Variants in IKZF4 observed in about 807,000 individuals in gnomAD.
The protein encoded by IKZF4 is IKAROS family zinc finger 4.
A neutral mutation model predicts 47.7 loss-of-function variants in IKZF4; 11 were observed. The observed-to-expected ratio is 0.23, with a 90% CI of 0.15 to 0.38. IKZF4 has a LOEUF of 0.38. Ranked by LOEUF, IKZF4 falls within the 10% of genes least tolerant of loss-of-function variation. IKZF4 has a pLI of 1.00. For missense variants in IKZF4, 557 were observed against 784.9 expected, an observed-to-expected ratio of 0.71 and a Z score of 3.47; for synonymous variants, 298 against 299.4, an observed-to-expected ratio of 1.00 and a Z score of 0.05.
chr12:56,019,884 T>C (rs1487816755), upstream of IKZF4, among the ~76,000 whole-genome samples: 2 of 152,252 alleles, frequency 1.3e-5, no homozygotes, highest in Non-Finnish European at 2.9e-5. Flanking sequence ...GGATGGTTTT[T>C]GAATGGAAGT....
chr12:56,027,942 A>G lies in IKZF4; in HGVS notation c.710A>G (p.His237Arg). The change falls in exon 5 of 8, where the codon CAC (histidine) becomes CGC (arginine). Residue 237 changes from histidine (H) to arginine (R), a missense_variant. Around this residue, in one of 6 missense-constraint regions of IKZF4, gnomAD observed 72 missense variants for 112.4 expected, o/e 0.64. Transcript: ENST00000547167. ...GCACTCACTGGTCACCTCCGCACAC[A>G]CTCAGGTCAGTGTCTGTCCAGTGGG... ...RDALTGHLRTHSVSSPTVGKP... is the reference protein window; with the variant it reads ...RDALTGHLRTRSVSSPTVGKP... The G allele has an allele frequency of 6.4e-7, 1 of 1,562,698 alleles. No homozygotes were observed. Among genetic ancestry groups the G allele is most frequent in the Non-Finnish European group, 8.7e-7 (1 of 1,154,256 alleles).
chr12:56,024,923 C>T (rs2136653228), intron 2 of IKZF4, 131 bp from the exon 3 acceptor site: 1 of 1,524,396 alleles, frequency 6.6e-7, no homozygotes, highest in African/African-American at 1.4e-5. Context: ...GCCCAGCATA[C>T]AACACTGCTT....
At position 56,035,247 on chromosome 12, in the gene IKZF4, T is replaced by G; in HGVS notation, c.1674T>G (p.Phe558Leu). The G allele has an allele frequency of 1.9e-6, 3 of 1,614,154 alleles. No homozygotes were observed. Among genetic ancestry groups the G allele is most frequent in the East Asian group, 2.2e-5 (1 of 44,886 alleles). The stretch of plus-strand genomic sequence containing the variant: ...GCTGCCATGGCTTCAGAGACCCTTT[T>G]GAGTGCAACATCTGTGGTTATCACA... Reference protein sequence around the residue: ...HMGCHGFRDPFECNICGYHSQ... With the variant: ...HMGCHGFRDPLECNICGYHSQ... Residue 558 changes from phenylalanine (F) to leucine (L), a missense_variant, in exon 8 of 8, where the codon TTT (phenylalanine) becomes TTG (leucine). Coordinates refer to ENST00000547167, the MANE Select transcript of IKZF4 (RefSeq NM_022465.4). The surrounding 1 kb of genome is among the most constrained non-coding windows in gnomAD (Gnocchi z 6.1).
upstream of IKZF4, among the ~76,000 whole-genome samples, chr12:56,018,907 A>AC (rs1210219955): frequency 6.6e-6 from 1 of 150,732 alleles, no homozygotes; most frequent in Non-Finnish European, 1.5e-5. Context: ...ACATGGTGAA[A>AC]CCCCCTCTCT....
chr12:56,032,112 T>A (rs1185670948), intron 5 of IKZF4, among the ~76,000 whole-genome samples: 1 of 152,010 alleles, frequency 6.6e-6, no homozygotes, highest in South Asian at 2.1e-4. Context: ...AAGCAGATAG[T>A]TCATAAAAAG....
At chr12:56,032,812 G>A in intron 6 of IKZF4, 102 bp downstream of exon 6, 1 of 1,309,892 alleles carries the variant, frequency 7.6e-7, no homozygotes, top group Non-Finnish European at 1.1e-6. Context: ...GATGAAGTCT[G>A]TGGAACAGGG....
intron 1 of IKZF4, chr12:56,021,862 G>A (rs1893068381): frequency 2.0e-6 from 1 of 501,628 alleles, no homozygotes; most frequent in Non-Finnish European, 3.6e-6. Context: ...GGGGATAGAG[G>A]TAGAGCTGCC....
chr12:56,008,545 T>A (rs1178710855), intron 1 of IKZF4, among the ~76,000 whole-genome samples: 5 of 152,068 alleles, frequency 3.3e-5, no homozygotes, highest in East Asian at 1.9e-4. Context: ...TTAAAAAAAA[T>A]TATGACTAGT....
chr12:56,034,579 C>A lies in IKZF4; in HGVS notation c.1006C>A (p.Gln336Lys), dbSNP rs745941886. 1.1e-5 allele frequency: 17 copies of A among 1,605,266 alleles called. No homozygotes were observed. The African/African-American group carries it at 1.1e-4, about 10-fold the overall frequency. The part of the protein sequence containing the change: ...STPQKFVGEK[Q>K]MRFSLSDLPY... ...GTTCCTGTTCTCCACAGGCGAAAAG[C>A]AGATGCGCTTCAGCCTCTCAGACCT... Residue 336 changes from glutamine (Q) to lysine (K), a missense_variant, in exon 8 of 8, where the codon CAG becomes AAG. Physicochemically the swap from Gln to Lys is moderately conservative, Grantham distance 53. Coordinates refer to ENST00000547167, the MANE Select transcript of IKZF4 (RefSeq NM_022465.4).
intron 5 of IKZF4, chr12:56,029,865 T>G (rs1354483587): frequency 6.6e-6 from 1 of 152,136 alleles, no homozygotes; most frequent in African/African-American, 2.4e-5. Flanking sequence ...CTCCTTTTCC[T>G]CAGAAAAGGG....
At chr12:56,022,234 C>T (rs1893136518) in intron 1 of IKZF4, among the ~76,000 whole-genome samples, 1 of 152,144 alleles carries the variant, frequency 6.6e-6, no homozygotes, top group Non-Finnish European at 1.5e-5. Flanking sequence ...GGAGGCTAGC[C>T]TCCTTTAACA....
At chr12:56,016,262 C>T (rs1286462638), upstream of IKZF4, among the ~76,000 whole-genome samples, 2 of 152,000 alleles carry the variant, frequency 1.3e-5, no homozygotes, top group African/African-American at 4.8e-5. Flanking sequence ...ACAAGCAAAC[C>T]AAATCTTTAT....
chr12:56,011,308 T>C (rs1029107799), intron 1 of IKZF4: 1 of 152,166 alleles, frequency 6.6e-6, no homozygotes, highest in African/African-American at 2.4e-5. Flanking sequence ...ATTTAAAGTG[T>C]TTAGTTTGGC....
chr12:56,018,106 G>A (rs1402564495), upstream of IKZF4: 2 of 1,284,576 alleles, frequency 1.6e-6, no homozygotes, highest in Non-Finnish European at 2.0e-6. Context: ...TCTAATAGCA[G>A]CTATTTTCTT....
At chr12:56,018,128 T>C, upstream of IKZF4, 3 of 1,289,038 alleles carry the variant, frequency 2.3e-6, no homozygotes, top group Non-Finnish European at 2.0e-6. Context: ...TTCAGCAGAA[T>C]CTCTTTAAAA....
chr12:56,018,084 C>T, upstream of IKZF4: 1 of 1,232,666 alleles, frequency 8.1e-7, no homozygotes. Context: ...TCCTCCCTTC[C>T]CAGAGCTATC....
rs768537992 is a variant in IKZF4 at position 56,034,710 on chromosome 12, G to A, written c.1137G>A (p.Glu379=). The A allele has an allele frequency of 2.0e-5, 32 of 1,613,930 alleles. No individual in the cohort carries two copies. The highest frequency in any genetic ancestry group is 1.6e-4 in the Middle Eastern group (1 of 6,084). The change falls in exon 8 of 8, where the codon GAG becomes GAA. Residue 379 remains glutamate (E), a synonymous_variant. Transcript: ENST00000547167. ...FGSSLAFVGA[E]HLRPLRLPPT... ...GTTCCCTGGCCTTTGTGGGTGCAGAGCATCTGCGTCCCCTCCGCCTTCCAC... is the reference window on the plus strand; with the variant it reads ...GTTCCCTGGCCTTTGTGGGTGCAGAACATCTGCGTCCCCTCCGCCTTCCAC...
chr12:56,016,841 G>A (rs577955552), upstream of IKZF4, among the ~76,000 whole-genome samples: 2 of 152,060 alleles, frequency 1.3e-5, no homozygotes, highest in African/African-American at 2.4e-5. Flanking sequence ...TGATCCGCCC[G>A]CCTCGGCCTC....
intron 5 of IKZF4, among the ~76,000 whole-genome samples, chr12:56,028,217 T>C (rs554422765): frequency 2.0e-5 from 3 of 151,870 alleles, no homozygotes; most frequent in Non-Finnish European, 4.4e-5. Flanking sequence ...ATAGGAGCAA[T>C]GTTCTTGGCT....
Sources: allele counts gnomAD v4.1 joint callset (sites outside exome capture counted in the v4.1 genomes callset), GRCh38; gene constraint gnomAD v4.1.1; regional missense constraint gnomAD v4.1.1; non-coding constraint Gnocchi (gnomAD v3.1); transcripts MANE v1.5; gene names NCBI Gene and HGNC (gene_info 2026-07-23, HGNC 2026-07-21).